The following TANC2 variants were observed in gnomAD, a reference collection of about 807,000 sequenced individuals.
The protein encoded by TANC2 is protein TANC2.
A neutral mutation model predicts 210.5 loss-of-function variants in TANC2; 26 were observed. The observed-to-expected ratio is 0.12, with a 90% CI of 0.09 to 0.17. The LOEUF (loss-of-function observed/expected upper bound fraction) is 0.17, where lower values mean the gene tolerates loss of function less well. TANC2 is among the 10% of genes least tolerant of loss of function. The pLI, the probability that TANC2 is intolerant of heterozygous loss-of-function variation, is 1.00. For missense variants in TANC2, 2,129 were observed against 2,608.9 expected, an observed-to-expected ratio of 0.82 and a Z score of 4.01; for synonymous variants, 931 against 967.1, an observed-to-expected ratio of 0.96 and a Z score of 0.69.
At chr17:63,146,131 G>C (rs2145357115) in intron 4 of TANC2, among the ~76,000 whole-genome samples, 1 of 152,044 alleles carries the variant, frequency 6.6e-6, no homozygotes, top group Admixed American at 6.6e-5. Context: ...CCTTGATTAA[G>C]TTTATGTCTA....
intron 1 of TANC2, among the ~76,000 whole-genome samples, chr17:62,978,206 G>A (rs533289837): frequency 1.1e-3 from 160 of 152,234 alleles, no homozygotes; most frequent in Admixed American, 3.6e-3. Flanking sequence ...ATCTAGCCAC[G>A]TGTTTAAAAG....
chr17:63,358,732 G>A (rs1458083952), intron 14 of TANC2, among the ~76,000 whole-genome samples: 1 of 152,194 alleles, frequency 6.6e-6, no homozygotes, highest in Non-Finnish European at 1.5e-5. Flanking sequence ...ACATTTGAGA[G>A]AAGTAGTCAT....
chr17:62,986,542 G>A (rs1000005085), intron 1 of TANC2, among the ~76,000 whole-genome samples: 13 of 151,974 alleles, frequency 8.6e-5, no homozygotes, highest in African/African-American at 3.1e-4. Flanking sequence ...TCTCAGGCCT[G>A]TGGCACAGGT....
chr17:63,176,839 A>G (rs2145616422), intron 5 of TANC2, among the ~76,000 whole-genome samples: 1 of 150,862 alleles, frequency 6.6e-6, no homozygotes, highest in South Asian at 2.1e-4. Context: ...GAAAAAGATC[A>G]GTGGTTGCCT....
intron 2 of TANC2, among the ~76,000 whole-genome samples, chr17:63,021,440 G>A (rs1304341538): frequency 6.6e-6 from 1 of 152,098 alleles, no homozygotes; most frequent in East Asian, 1.9e-4. Context: ...TATAAAGCAG[G>A]TCAGCCTCCT....
At chr17:62,976,159 T>G (rs73339648) in intron 1 of TANC2, among the ~76,000 whole-genome samples, 3,215 of 152,266 alleles carry the variant, frequency 0.021, 105 homozygotes, top group African/African-American at 0.072. Flanking sequence ...GCATTTTTTT[T>G]GGACTATTTC....
chr17:63,323,252 C>T (rs1158717524), intron 11 of TANC2, among the ~76,000 whole-genome samples: 1 of 152,122 alleles, frequency 6.6e-6, no homozygotes, highest in Non-Finnish European at 1.5e-5. Flanking sequence ...TTCTTGGTGT[C>T]ATTTCTTTGT....
intron 14 of TANC2, among the ~76,000 whole-genome samples, chr17:63,359,083 A>G (rs117037340): frequency 0.025 from 3,758 of 151,540 alleles, 50 homozygotes; most frequent in Non-Finnish European, 0.035. Flanking sequence ...TATTTTTTTA[A>G]TACAGTATCT....
rs1448832144 is a variant in TANC2 at position 63,322,367 on chromosome 17, G to A, written c.1575+3277G>A. ...CAAAAAATTAGCCGGGCGTGGTGGC[G>A]GGCGCCTGTAGTCCCAGCTACTCGG... On this transcript the variant is annotated intron_variant, in intron 11 of 27. Transcript: ENST00000689528. Among the ~76,000 whole-genome samples the A allele has an allele frequency of 3.3e-5, 5 of 152,118 alleles. No homozygotes were observed. In the East Asian group the frequency reaches 5.8e-4, roughly 18 times the overall value.
intron 11 of TANC2, 137 bp downstream of exon 11, chr17:63,319,227 C>G: frequency 1.1e-6 from 1 of 911,112 alleles, no homozygotes; most frequent in Admixed American, 2.9e-5. Flanking sequence ...GTTTCTCTTT[C>G]TTTGATATTC....
chr17:63,379,863 C>G (rs758077615), intron 15 of TANC2, 37 bp downstream of exon 15: 11 of 1,531,400 alleles, frequency 7.2e-6, no homozygotes, highest in East Asian at 2.3e-5. Flanking sequence ...TCCGCCATCT[C>G]TAGCAGACTT....
chr17:63,068,308 A>G (rs571704074), intron 2 of TANC2, among the ~76,000 whole-genome samples: 1 of 152,204 alleles, frequency 6.6e-6, no homozygotes, highest in South Asian at 2.1e-4. Flanking sequence ...AAACCTGAGT[A>G]GTATTCGTGA....
intron 2 of TANC2, among the ~76,000 whole-genome samples, chr17:63,057,407 A>G (rs1179920815): frequency 6.6e-6 from 1 of 151,992 alleles, no homozygotes; most frequent in Non-Finnish European, 1.5e-5. Flanking sequence ...ATAATTTAGG[A>G]CTTTATAATT....
intron 9 of TANC2, among the ~76,000 whole-genome samples, chr17:63,310,692 T>A (rs1375457607): frequency 3.3e-5 from 5 of 152,180 alleles, no homozygotes; most frequent in Non-Finnish European, 5.9e-5. Flanking sequence ...AAAATCACCT[T>A]TCACACACAT....
chr17:63,122,413 A>G, intron 4 of TANC2, among the ~76,000 whole-genome samples: 1 of 152,202 alleles, frequency 6.6e-6, no homozygotes, highest in East Asian at 1.9e-4. Context: ...AAAATGAAGT[A>G]TGAAAGAAAT....
intron 11 of TANC2, among the ~76,000 whole-genome samples, chr17:63,321,679 T>C (rs2045498320): frequency 6.6e-6 from 1 of 152,180 alleles, no homozygotes; most frequent in African/African-American, 2.4e-5. Context: ...GGCTGGAGCT[T>C]CACTGTTCAC....
intron 5 of TANC2, among the ~76,000 whole-genome samples, chr17:63,166,387 C>T (rs528305150): frequency 2.6e-5 from 4 of 151,838 alleles, no homozygotes; most frequent in Admixed American, 1.3e-4. Context: ...AAGTTATGTA[C>T]GATTATTAAA....
At chr17:62,988,564 GTATGAAGTT>G (rs1353771980) in intron 1 of TANC2, among the ~76,000 whole-genome samples, 4 of 152,164 alleles carry the variant, frequency 2.6e-5, no homozygotes, top group East Asian at 1.9e-4. Flanking sequence ...CAAGAATGGT[GTATGAAGTT>G]TATGAAGTTT....
At chr17:63,411,883 C>A in intron 22 of TANC2, 115 bp from the exon 23 acceptor site, 1 of 1,485,876 alleles carries the variant, frequency 6.7e-7, no homozygotes, top group South Asian at 1.3e-5. Flanking sequence ...TACATGGCAG[C>A]ATAGCCTGGG....
Sources: allele counts gnomAD v4.1 joint callset (sites outside exome capture counted in the v4.1 genomes callset), GRCh38; gene constraint gnomAD v4.1.1; transcripts MANE v1.5; gene names NCBI Gene and HGNC (gene_info 2026-07-23, HGNC 2026-07-21).